Variants in IGFBP7 observed in about 807,000 individuals in gnomAD.
IGFBP7 encodes the protein insulin like growth factor binding protein 7, also known as insulin-like growth factor-binding protein 7.
Under a neutral mutation model 29.4 loss-of-function variants are expected in IGFBP7, and 31 were observed. The ratio of observed to expected loss-of-function variants is 1.05; its 90% CI spans 0.79 to 1.42. The LOEUF is 1.42. Ranked by LOEUF, IGFBP7 falls within the 40% of genes most tolerant of loss-of-function variation. IGFBP7 has a pLI of 0.00. For missense variants in IGFBP7, 393 were observed against 395.5 expected, an observed-to-expected ratio of 0.99 and a Z score of 0.05; for synonymous variants, 172 against 174.9, an observed-to-expected ratio of 0.98 and a Z score of 0.13.
At chr4:57,086,880 C>T (rs754186317) in intron 1 of IGFBP7, among the ~76,000 whole-genome samples, 7 of 152,190 alleles carry the variant, frequency 4.6e-5, no homozygotes, top group Non-Finnish European at 7.3e-5. Flanking sequence ...ATTACAGGCA[C>T]ATACCACCAC....
At chr4:57,098,203 G>A (rs1578651077) in intron 1 of IGFBP7, among the ~76,000 whole-genome samples, 1 of 151,238 alleles carries the variant, frequency 6.6e-6, no homozygotes, top group South Asian at 2.1e-4. Flanking sequence ...ATCTGGGGAC[G>A]GAGTTAGGAG....
chr4:57,109,891 C>A lies in IGFBP7; in HGVS notation c.461G>T (p.Gly154Val). 1 of 1,549,664 alleles carries A rather than the reference C, an allele frequency of 6.5e-7. No homozygotes were observed. The highest frequency in any genetic ancestry group is 8.7e-7 in the Non-Finnish European group (1 of 1,153,814). The change falls in exon 1 of 5, where the codon GGC becomes GTC. Residue 154 changes from glycine to valine, a missense_variant. Coordinates refer to ENST00000295666, the MANE Select transcript of IGFBP7 (RefSeq NM_001553.3). ...CTCGTGCCCACCTTGCTCGCAGGTG[C>A]CCTTGCTGACCTGGGTGATGGCCTT... is the stretch of plus-strand genomic sequence containing the variant. ...GEKAITQVSKGTCEQGPSIVT... is the reference protein window; with the variant it reads ...GEKAITQVSKVTCEQGPSIVT...
Position 57,055,982 on chromosome 4 carries a change from G to A in IGFBP7, c.476-15049C>T, listed in dbSNP as rs549860956. ...GATGGCTGCTTGGCGGGCGTCTGGCGTTTGTACTTGCGTATGTTTTTACCC... is the reference window on the plus strand; with the variant it reads ...GATGGCTGCTTGGCGGGCGTCTGGCATTTGTACTTGCGTATGTTTTTACCC... On this transcript the variant is annotated intron_variant, in intron 1 of 4. Coordinates refer to ENST00000295666, the MANE Select transcript of IGFBP7 (RefSeq NM_001553.3). Among the ~76,000 whole-genome samples, 12 of 152,154 alleles carry A rather than the reference G, an allele frequency of 7.9e-5. No individual in the cohort carries two copies. In the East Asian group the frequency reaches 2.1e-3, roughly 27 times the overall value.
intron 1 of IGFBP7, among the ~76,000 whole-genome samples, chr4:57,068,976 T>C (rs1204830337): frequency 6.6e-6 from 1 of 151,970 alleles, no homozygotes; most frequent in Non-Finnish European, 1.5e-5. Context: ...AATGTGAAAG[T>C]GGTAAGGAAG....
chr4:57,041,694 T>A (rs1724230454), intron 1 of IGFBP7, among the ~76,000 whole-genome samples: 1 of 151,868 alleles, frequency 6.6e-6, no homozygotes, highest in Non-Finnish European at 1.5e-5. Context: ...CACCACCATG[T>A]CAGTTAATTT....
chr4:57,076,528 G>T lies in IGFBP7; in HGVS notation c.475+33349C>A, dbSNP rs530831267. 3.3e-5 allele frequency among the ~76,000 whole-genome samples: 5 copies of T among 152,340 alleles called. No homozygotes were observed. In the South Asian group the frequency reaches 1.0e-3, roughly 32 times the overall value. On this transcript the variant is annotated intron_variant, in intron 1 of 4. Transcript: ENST00000295666. ...AGCCAGCCATTTTGGTCACCTTCGT[G>T]TAAGCGTATGGCTCCAGCCTGCTCT...
intron 2 of IGFBP7, among the ~76,000 whole-genome samples, chr4:57,033,972 A>G (rs772661255): frequency 1.2e-4 from 17 of 143,062 alleles, no homozygotes; most frequent in Non-Finnish European, 2.1e-4. Context: ...AATTGCTTGA[A>G]CCTGGAGGCG....
chr4:57,045,230 T>A (rs1724330898), intron 1 of IGFBP7, among the ~76,000 whole-genome samples: 1 of 152,160 alleles, frequency 6.6e-6, no homozygotes, highest in Admixed American at 6.6e-5. Context: ...CTACAAGACT[T>A]CCATACCACA....
chr4:57,079,402 TGGGAAAAAAAAAA>T (rs1725308021), intron 1 of IGFBP7, among the ~76,000 whole-genome samples: 4 of 151,224 alleles, frequency 2.6e-5, no homozygotes, highest in African/African-American at 9.7e-5. Flanking sequence ...TGAACAGCCA[TGGGAAAAAAAAAA>T]GAGCAGAGCC....
At chr4:57,067,974 G>A (rs1030261795) in intron 1 of IGFBP7, among the ~76,000 whole-genome samples, 2 of 152,220 alleles carry the variant, frequency 1.3e-5, no homozygotes, top group African/African-American at 4.8e-5. Context: ...AAGGAGAAGA[G>A]GTTGTGGTTA....
intron 2 of IGFBP7, among the ~76,000 whole-genome samples, chr4:57,038,674 TTAAAC>T (rs754275435): frequency 6.6e-6 from 1 of 152,220 alleles, no homozygotes; most frequent in Non-Finnish European, 1.5e-5. Context: ...GCCCTTTTAC[TTAAAC>T]TAAGTTCCTT....
At chr4:57,058,533 C>A (rs2109763017) in intron 1 of IGFBP7, among the ~76,000 whole-genome samples, 1 of 152,326 alleles carries the variant, frequency 6.6e-6, no homozygotes, top group Admixed American at 6.5e-5. Flanking sequence ...GCTGGGATAA[C>A]TGGCTAGCAA....
At chr4:57,042,386 G>C (rs2109745325) in intron 1 of IGFBP7, among the ~76,000 whole-genome samples, 1 of 152,186 alleles carries the variant, frequency 6.6e-6, no homozygotes, top group Admixed American at 6.5e-5. Flanking sequence ...ACCTTACTCT[G>C]TTGCTCAGGC....
At chr4:57,077,935 A>G (rs767121817) in intron 1 of IGFBP7, among the ~76,000 whole-genome samples, 1 of 152,226 alleles carries the variant, frequency 6.6e-6, no homozygotes, top group Non-Finnish European at 1.5e-5. Flanking sequence ...CAGAGCACTC[A>G]ATCAATAAAT....
At chr4:57,057,587 A>G (rs982824296) in intron 1 of IGFBP7, among the ~76,000 whole-genome samples, 4 of 152,228 alleles carry the variant, frequency 2.6e-5, no homozygotes, top group African/African-American at 7.2e-5. Flanking sequence ...GGCACGAGGA[A>G]GAAAATGTTC....
At chr4:57,079,683 AAAT>A (rs1725315696) in intron 1 of IGFBP7, among the ~76,000 whole-genome samples, 1 of 152,218 alleles carries the variant, frequency 6.6e-6, no homozygotes, top group African/African-American at 2.4e-5. Context: ...CAAGTGAAAA[AAAT>A]CTAGTAAGTC....
intron 1 of IGFBP7, among the ~76,000 whole-genome samples, chr4:57,106,064 G>A (rs992008413): frequency 4.6e-5 from 7 of 151,910 alleles, no homozygotes; most frequent in Middle Eastern, 3.2e-3. Context: ...CCGCCACCAC[G>A]CCTGGCTAAT....
At chr4:57,051,295 G>A (rs1355046837) in intron 1 of IGFBP7, among the ~76,000 whole-genome samples, 2 of 152,196 alleles carry the variant, frequency 1.3e-5, no homozygotes, top group Non-Finnish European at 2.9e-5. Context: ...TCCAGAGGCG[G>A]GATGATGTAG....
At chr4:57,069,226 G>A (rs6854860) in intron 1 of IGFBP7, among the ~76,000 whole-genome samples, 1,793 of 152,256 alleles carry the variant, frequency 0.012, 42 homozygotes, top group African/African-American at 0.042. Flanking sequence ...CAACTTAGTG[G>A]GGAAGCTTGA....
Sources: gnomAD v4.1 joint callset for allele counts (sites outside exome capture counted in the v4.1 genomes callset) on GRCh38, gnomAD v4.1.1 for gene constraint, MANE v1.5 for transcripts, NCBI Gene and HGNC (gene_info 2026-07-23, HGNC 2026-07-21) for gene names.